The following ATXN2 variants were observed in gnomAD, a reference collection of about 807,000 sequenced individuals.
The protein encoded by ATXN2 is ataxin 2, also known as ataxin-2.
Under a neutral mutation model 138.6 loss-of-function variants are expected in ATXN2, and 37 were observed. The ratio of observed to expected loss-of-function variants is 0.27; its 90% CI spans 0.21 to 0.35. The LOEUF (loss-of-function observed/expected upper bound fraction) is 0.35. Among genes scored for constraint, ATXN2 ranks in the 10% least tolerant of loss-of-function variants. The pLI is 1.00. For missense variants in ATXN2, 1,216 were observed against 1,480.3 expected, an observed-to-expected ratio of 0.82 and a Z score of 2.93; for synonymous variants, 549 against 543.7, an observed-to-expected ratio of 1.01 and a Z score of -0.13.
At chr12:111,534,063 T>C (rs920639003) in intron 5 of ATXN2, among the ~76,000 whole-genome samples, 1 of 151,862 alleles carries the variant, frequency 6.6e-6, no homozygotes, top group Non-Finnish European at 1.5e-5. Context: ...CTAGTGAGTA[T>C]AAAAATATTT....
At chr12:111,487,973 A>G (rs1877753210) in intron 15 of ATXN2, among the ~76,000 whole-genome samples, 1 of 152,176 alleles carries the variant, frequency 6.6e-6, no homozygotes, top group African/African-American at 2.4e-5. Context: ...TTAGCCCCTA[A>G]AAGTCCATTT....
At chr12:111,470,047 T>C in intron 20 of ATXN2, 61 bp downstream of exon 20, 2 of 1,522,754 alleles carry the variant, frequency 1.3e-6, no homozygotes, top group Non-Finnish European at 1.8e-6. Context: ...GAGTATGTTT[T>C]CAGAAACTTA....
intron 18 of ATXN2, among the ~76,000 whole-genome samples, chr12:111,480,710 C>T (rs1877168847): frequency 1.3e-5 from 2 of 152,114 alleles, no homozygotes; most frequent in South Asian, 4.1e-4. Flanking sequence ...ATAGTCTTTT[C>T]AACAAATGAG....
chr12:111,460,150 C>A (rs1875461204), intron 21 of ATXN2, among the ~76,000 whole-genome samples: 1 of 152,234 alleles, frequency 6.6e-6, no homozygotes, highest in African/African-American at 2.4e-5. Context: ...GGCGTGATAT[C>A]AGCTCACCGC....
At chr12:111,573,616 A>G (rs767877040) in intron 1 of ATXN2, among the ~76,000 whole-genome samples, 11 of 152,156 alleles carry the variant, frequency 7.2e-5, no homozygotes, top group Non-Finnish European at 1.2e-4. Context: ...GTCACTTCCT[A>G]TCTCTTTGAC....
intron 5 of ATXN2, among the ~76,000 whole-genome samples, chr12:111,531,644 C>T (rs607316): frequency 0.31 from 46,807 of 151,832 alleles, 9,341 homozygotes; most frequent in African/African-American, 0.57. Flanking sequence ...AAGAATAACA[C>T]AAAGAAACAA....
chr12:111,512,090 C>G (rs1349526156), intron 11 of ATXN2: 1 of 152,166 alleles, frequency 6.6e-6, no homozygotes, highest in African/African-American at 2.4e-5. Context: ...CCTGCCTCAG[C>G]CTCTCAAATA....
intron 5 of ATXN2, among the ~76,000 whole-genome samples, chr12:111,530,389 C>T (rs1880753291): frequency 6.6e-6 from 1 of 152,192 alleles, no homozygotes; most frequent in South Asian, 2.1e-4. Context: ...TTCTAAGGAA[C>T]AAAAGGCTCT....
rs1447177897 is a variant in ATXN2 at position 111,485,308 on chromosome 12, C to T, written c.2481G>A (p.Thr827=). The T allele has an allele frequency of 1.9e-6, 3 of 1,611,720 alleles. No homozygotes were observed. Among genetic ancestry groups the T allele is most frequent in the East Asian group, 2.2e-5 (1 of 44,840 alleles). The change falls in exon 18 of 25, where the codon ACG becomes ACA. Residue 827 remains threonine, a synonymous_variant. Coordinates refer to ENST00000673436, the MANE Select transcript of ATXN2 (RefSeq NM_001372574.1). The part of the protein sequence containing the change: ...GVQPLYPIPM[T]PMPVNQAKTY... ...TCTTGGCTTGATTCACTGGCATGGG[C>T]GTCATAGGTATTGGGTATAAAGGCT...
At chr12:111,567,509 AAAG>A (rs1205918034) in intron 1 of ATXN2, among the ~76,000 whole-genome samples, 18 of 148,874 alleles carry the variant, frequency 1.2e-4, no homozygotes, top group Non-Finnish European at 2.2e-4. Context: ...CAAAAAAAAA[AAAG>A]AACGTTCCAA....
In ATXN2 at chr12:111,470,183, T is replaced by C. The variant is rs151223079; in HGVS notation, c.2767A>G (p.Thr923Ala). The C allele has an allele frequency of 3.1e-6, 5 of 1,614,012 alleles. No homozygotes were observed. Among genetic ancestry groups the C allele is most frequent in the Non-Finnish European group, 4.2e-6 (5 of 1,180,004 alleles). Residue 923 changes from threonine to alanine, a missense_variant, in exon 20 of 25, where the codon ACA becomes GCA. Thr to Ala is a moderately conservative substitution (Grantham distance 58). This residue lies in a region of ATXN2 where 490 missense variants were observed against 653.5 expected (regional missense o/e 0.75). Transcript: ENST00000673436. The stretch of plus-strand genomic sequence containing the variant: ...GATACTAAACCAGGCTGGGCGTGTG[T>C]TGGTGGTGCCATCATTCTAGCATTA... ...QGNARMMAPP[T>A]HAQPGLVSSS...
At chr12:111,571,560 C>T (rs1433619307) in intron 1 of ATXN2, among the ~76,000 whole-genome samples, 1 of 151,912 alleles carries the variant, frequency 6.6e-6, no homozygotes, top group African/African-American at 2.4e-5. Flanking sequence ...TGGACCTCCA[C>T]AAGCAGTGAG....
intron 18 of ATXN2, among the ~76,000 whole-genome samples, chr12:111,480,587 A>G (rs1877158762): frequency 6.6e-6 from 1 of 152,236 alleles, no homozygotes; most frequent in South Asian, 2.1e-4. Flanking sequence ...AGGCAGGGGA[A>G]TCGCTTGAAT....
intron 6 of ATXN2, among the ~76,000 whole-genome samples, chr12:111,522,228 T>TAAA (rs35035921): frequency 2.8e-5 from 3 of 108,132 alleles, no homozygotes; most frequent in Admixed American, 9.4e-5. Context: ...ATGCCCTACA[T>TAAA]AAAAAAAAAA....
At chr12:111,565,814 C>T (rs1414703587) in intron 1 of ATXN2, among the ~76,000 whole-genome samples, 2 of 151,766 alleles carry the variant, frequency 1.3e-5, no homozygotes, top group Non-Finnish European at 2.9e-5. Flanking sequence ...TGGCCAACAT[C>T]GTGAAACCCC....
At chr12:111,599,561 T>G, upstream of ATXN2, 11 of 1,158,638 alleles carry the variant, frequency 9.5e-6, 1 homozygote, top group South Asian at 2.0e-4. Flanking sequence ...GAGGTGCGGA[T>G]AGGGACTCTT....
At chr12:111,546,894 C>T (rs975506216) in intron 5 of ATXN2, among the ~76,000 whole-genome samples, 2 of 152,120 alleles carry the variant, frequency 1.3e-5, no homozygotes, top group African/African-American at 4.8e-5. Context: ...TATGAATGTG[C>T]CAAGGTGACT....
At position 111,598,059 on chromosome 12, in the gene ATXN2, G is replaced by A. The variant is rs536809289; in HGVS notation, c.251+725C>T. 5 of 1,158,648 alleles carry A rather than the reference G, an allele frequency of 4.3e-6. No individual in the cohort carries two copies. In the South Asian group the frequency reaches 8.6e-5, roughly 20 times the overall value. 71.8% of individuals were successfully genotyped at this position (1,158,648 alleles called of 1,614,324 possible). A position where few individuals can be genotyped will look rare whatever the true frequency, so the allele number is the denominator to read the frequency against. On this transcript the variant is annotated intron_variant, in intron 1 of 24. Coordinates refer to ENST00000673436, the MANE Select transcript of ATXN2 (RefSeq NM_001372574.1). The surrounding 1 kb of genome is among the most constrained non-coding windows in gnomAD (Gnocchi z 4.5). The stretch of plus-strand genomic sequence containing the variant: ...TCCCCACCCCTTCCCTTCCCCAGGT[G>A]GGGGAGGGTGGAACGCTGCCGGAGG...
chr12:111,483,337 T>C (rs1444102220), intron 18 of ATXN2, among the ~76,000 whole-genome samples: 1 of 151,874 alleles, frequency 6.6e-6, no homozygotes, highest in Non-Finnish European at 1.5e-5. Context: ...GAAATGTCTT[T>C]TCTGTATAAA....
Sources: gnomAD v4.1 joint callset for allele counts (sites outside exome capture counted in the v4.1 genomes callset) on GRCh38, gnomAD v4.1.1 for gene constraint, gnomAD v4.1.1 regional missense constraint, Gnocchi (gnomAD v3.1) non-coding constraint, MANE v1.5 for transcripts, NCBI Gene and HGNC (gene_info 2026-07-23, HGNC 2026-07-21) for gene names.